The following MAPK6 variants were observed in gnomAD, a reference collection of about 807,000 sequenced individuals.
MAPK6 encodes ERK-3.
Under a neutral mutation model 59.3 loss-of-function variants are expected in MAPK6, and 19 were observed. The observed-to-expected ratio is 0.32, with a 90% CI of 0.22 to 0.47. MAPK6 has a LOEUF of 0.47. Among genes scored for constraint, MAPK6 ranks in the 20% least tolerant of loss-of-function variants. The probability of loss-of-function intolerance (pLI) is 1.00; values close to 1 mark genes in which losing one functional copy is unlikely to be tolerated. For synonymous variants in MAPK6, 316 were observed against 290.3 expected (o/e 1.09, Z -0.90); for missense variants, 724 against 847.9 (o/e 0.85, Z 1.81).
In MAPK6 at chr15:52,056,333, C is replaced by CATTG. The variant is rs1449349283; in HGVS notation, c.701-2297_701-2294dup. The stretch of plus-strand genomic sequence containing the variant: ...TCACTTTTATCAGTATTCATTCAAA[C>CATTG]ATTGATAGAATTTTTCCAGTCTTAC... On this transcript the variant is annotated intron_variant, in intron 3 of 5. Coordinates refer to ENST00000261845, the MANE Select transcript of MAPK6 (RefSeq NM_002748.4). Among the ~76,000 whole-genome samples, 7 of 152,332 alleles carry CATTG rather than the reference C, an allele frequency of 4.6e-5. No individual in the cohort carries two copies. The South Asian group carries it at 6.2e-4, about 14-fold the overall frequency.
At chr15:52,004,737 T>G (rs2057252704) in intron 3 of MAPK6, among the ~76,000 whole-genome samples, 1 of 152,188 alleles carries the variant, frequency 6.6e-6, no homozygotes, top group Non-Finnish European at 1.5e-5. Flanking sequence ...AGCTTCCAGC[T>G]TTATTATAAT....
chr15:51,991,606 G>C (rs2057209000), intron 2 of MAPK6, among the ~76,000 whole-genome samples: 1 of 152,208 alleles, frequency 6.6e-6, no homozygotes, highest in South Asian at 2.1e-4. Flanking sequence ...CTAGTTTCTA[G>C]TTTCCTAAGA....
intron 3 of MAPK6, among the ~76,000 whole-genome samples, chr15:52,009,958 A>C (rs1325671670): frequency 6.6e-6 from 1 of 151,952 alleles, no homozygotes; most frequent in African/African-American, 2.4e-5. Context: ...TTTTTAGTAG[A>C]GACACAGTTT....
intron 1 of MAPK6, among the ~76,000 whole-genome samples, chr15:52,028,702 G>C (rs751100005): frequency 2.0e-5 from 3 of 152,166 alleles, no homozygotes; most frequent in Non-Finnish European, 4.4e-5. Flanking sequence ...AGCACTAAGT[G>C]TGGCTTCCTT....
intron 2 of MAPK6, among the ~76,000 whole-genome samples, chr15:51,991,708 TTAGG>T (rs1288023667): frequency 2.0e-5 from 3 of 152,220 alleles, no homozygotes; most frequent in African/African-American, 7.2e-5. Flanking sequence ...GGCAAAGGCT[TTAGG>T]TAGGACATAG....
chr15:51,998,205 G>A (rs1213593173), intron 2 of MAPK6, among the ~76,000 whole-genome samples: 1 of 151,704 alleles, frequency 6.6e-6, no homozygotes, highest in Non-Finnish European at 1.5e-5. Context: ...GACTCCCAAG[G>A]TGCTGAGATT....
intron 2 of MAPK6, among the ~76,000 whole-genome samples, chr15:52,047,714 C>G (rs1240863775): frequency 2.7e-5 from 4 of 148,496 alleles, no homozygotes; most frequent in East Asian, 4.0e-4. Context: ...TGTCAAACTT[C>G]TGGGCTCAAG....
intron 1 of MAPK6, chr15:52,021,678 T>C (rs1224740249): frequency 6.6e-6 from 1 of 152,164 alleles, no homozygotes; most frequent in Non-Finnish European, 1.5e-5. Context: ...ATAGTACTTT[T>C]ATGGTGTCGG....
intron 1 of MAPK6, among the ~76,000 whole-genome samples, chr15:52,028,930 TGTA>T (rs2030919055): frequency 6.6e-6 from 1 of 152,256 alleles, no homozygotes; most frequent in East Asian, 1.9e-4. Context: ...TACAGGCTCT[TGTA>T]GGAGCATTCA....
At chr15:52,021,015 A>G (rs2030507207) in intron 1 of MAPK6, among the ~76,000 whole-genome samples, 1 of 152,222 alleles carries the variant, frequency 6.6e-6, no homozygotes, top group African/African-American at 2.4e-5. Context: ...AAAACTTCGT[A>G]TATGAGGATA....
intron 2 of MAPK6, among the ~76,000 whole-genome samples, chr15:51,986,841 A>C (rs542006077): frequency 2.0e-5 from 3 of 152,292 alleles, no homozygotes; most frequent in Admixed American, 2.0e-4. Flanking sequence ...ATTTTTGCCC[A>C]GACTATTATG....
chr15:52,057,704 G>A (rs1456005809), intron 3 of MAPK6, among the ~76,000 whole-genome samples: 2 of 152,134 alleles, frequency 1.3e-5, no homozygotes, highest in Admixed American at 6.5e-5. Context: ...GCCTTGCCTG[G>A]CTAATTTTTG....
intron 1 of MAPK6, among the ~76,000 whole-genome samples, chr15:51,977,283 G>T (rs560561599): frequency 6.6e-6 from 1 of 151,602 alleles, no homozygotes; most frequent in Non-Finnish European, 1.5e-5. Flanking sequence ...GATTACAGAC[G>T]TGAGCCACTG....
chr15:52,040,279 A>G (rs998761419), intron 1 of MAPK6, among the ~76,000 whole-genome samples: 3 of 152,246 alleles, frequency 2.0e-5, no homozygotes, highest in East Asian at 1.9e-4. Context: ...TCCAAAAGCA[A>G]CTGGGTTTTG....
intron 3 of MAPK6, among the ~76,000 whole-genome samples, chr15:52,012,998 AAAAAAAAAAAAAAAAAAAAAAAAT>A (rs1435803898): frequency 4.5e-4 from 7 of 15,576 alleles, no homozygotes; most frequent in Non-Finnish European, 6.8e-4. Context: ...AAAAAAAAAA[AAAAAAAAAAAAAAAAAAAAAAAAT>A]ATATATATAT....
upstream of MAPK6, among the ~76,000 whole-genome samples, chr15:52,016,074 A>ACACC (rs1287223362): frequency 1.3e-5 from 1 of 78,888 alleles, no homozygotes; most frequent in African/African-American, 5.1e-5. Flanking sequence ...GCGCGCGCAC[A>ACACC]CACACACACA....
In MAPK6 at chr15:52,064,797, A is replaced by G. The variant is rs2032348449; in HGVS notation, c.1963A>G (p.Arg655Gly). 1.2e-6 allele frequency: 2 copies of G among 1,611,844 alleles called. No homozygotes were observed. Among genetic ancestry groups the G allele is most frequent in the African/African-American group, 1.3e-5 (1 of 74,868 alleles). The change falls in exon 6 of 6, where the codon AGA becomes GGA. Residue 655 changes from arginine to glycine, a missense_variant. By Grantham distance (125) the Arg-to-Gly change is moderately radical. Transcript: ENST00000261845. ...EPVEDGKLGERGHEEGFLNNS... is the reference protein window; with the variant it reads ...EPVEDGKLGEGGHEEGFLNNS... ...AGTAGAGGATGGGAAGCTTGGGGAG[A>G]GAGGACATGAGGAAGGATTTCTGAA...
chr15:52,059,248 C>CACAACATCCCTGTTCATAT (rs2032101976), intron 4 of MAPK6, among the ~76,000 whole-genome samples: 2 of 152,226 alleles, frequency 1.3e-5, no homozygotes, highest in Non-Finnish European at 2.9e-5. Context: ...TAGCCACTGT[C>CACAACATCCCTGTTCATAT]ACAACATCCC....
At chr15:52,060,902 A>C (rs188327662) in intron 4 of MAPK6, among the ~76,000 whole-genome samples, 2 of 152,336 alleles carry the variant, frequency 1.3e-5, no homozygotes, top group Admixed American at 6.5e-5. Context: ...TACTTTATGC[A>C]TGAAGAAACT....
Sources: gnomAD v4.1 joint callset for allele counts (sites outside exome capture counted in the v4.1 genomes callset) on GRCh38, gnomAD v4.1.1 for gene constraint, MANE v1.5 for transcripts, NCBI Gene and HGNC (gene_info 2026-07-23, HGNC 2026-07-21) for gene names.